Variants in ELMO1 observed in about 807,000 individuals in gnomAD.
The protein encoded by ELMO1 is engulfment and cell motility protein 1.
A neutral mutation model predicts 98.9 loss-of-function variants in ELMO1; 26 were observed. The ratio of observed to expected loss-of-function variants is 0.26; its 90% CI spans 0.19 to 0.36. The LOEUF is 0.36. ELMO1 is among the 10% of genes least tolerant of loss of function. The pLI is 1.00. For synonymous variants in ELMO1, 346 were observed against 346.0 expected, an observed-to-expected ratio of 1.00 and a Z score of 0.00; for missense variants, 627 against 935.2, an observed-to-expected ratio of 0.67 and a Z score of 4.30.
chr7:37,411,391 T>C (rs1033892971), intron 1 of ELMO1, among the ~76,000 whole-genome samples: 13 of 152,208 alleles, frequency 8.5e-5, no homozygotes, highest in Non-Finnish European at 1.5e-4. Context: ...GTACAATAAA[T>C]TGTAGCAGTG....
intron 4 of ELMO1, among the ~76,000 whole-genome samples, chr7:37,304,896 A>G (rs980847430): frequency 1.3e-5 from 2 of 152,146 alleles, no homozygotes; most frequent in African/African-American, 4.8e-5. Context: ...AGTTGCATTC[A>G]GTTGTTCCTC....
chr7:37,129,076 G>A (rs966809470), intron 14 of ELMO1, among the ~76,000 whole-genome samples: 3 of 151,888 alleles, frequency 2.0e-5, no homozygotes, highest in Non-Finnish European at 2.9e-5. Flanking sequence ...AAACAAGAAC[G>A]GGAGCAAAGA....
chr7:37,025,986 G>A (rs1794553978), intron 15 of ELMO1, among the ~76,000 whole-genome samples: 1 of 151,536 alleles, frequency 6.6e-6, no homozygotes, highest in African/African-American at 2.4e-5. Flanking sequence ...CAAGAAGGAG[G>A]AGCAGAAGAT....
chr7:36,879,739 T>A (rs559652297), intron 18 of ELMO1, among the ~76,000 whole-genome samples: 3 of 151,944 alleles, frequency 2.0e-5, no homozygotes, highest in Non-Finnish European at 4.4e-5. Flanking sequence ...GTGGAAAAAA[T>A]TGAGTGGGAA....
At chr7:36,894,203 G>A (rs6955200) in intron 17 of ELMO1, among the ~76,000 whole-genome samples, 5,134 of 152,300 alleles carry the variant, frequency 0.034, 296 homozygotes, top group African/African-American at 0.12. Flanking sequence ...CCTCATGTGT[G>A]AGTTCAGAAC....
chr7:37,369,166 T>C (rs77200985), intron 1 of ELMO1, among the ~76,000 whole-genome samples: 12,249 of 152,230 alleles, frequency 0.08, 609 homozygotes, highest in Middle Eastern at 0.12. Context: ...GGACTTTCAC[T>C]CATATGGAAG....
intron 1 of ELMO1, among the ~76,000 whole-genome samples, chr7:37,437,907 A>G (rs551053418): frequency 0.044 from 2,832 of 64,380 alleles, 1,137 homozygotes; most frequent in African/African-American, 0.14. Context: ...CGGGAAGCGG[A>G]GCTTGCAGTG....
At chr7:36,866,733 G>A (rs1277963938) in intron 20 of ELMO1, among the ~76,000 whole-genome samples, 1 of 152,162 alleles carries the variant, frequency 6.6e-6, no homozygotes, top group Non-Finnish European at 1.5e-5. Context: ...TGGAAAAACT[G>A]TCCAAAGAGC....
intron 16 of ELMO1, among the ~76,000 whole-genome samples, chr7:37,005,107 C>CA (rs35665315): frequency 0.045 from 1,712 of 37,848 alleles, 91 homozygotes; most frequent in African/African-American, 0.062. Context: ...GGCTCTGTCT[C>CA]AAAAAAAAAA....
At chr7:36,858,008 C>T (rs1451032719) in intron 21 of ELMO1, among the ~76,000 whole-genome samples, 3 of 152,178 alleles carry the variant, frequency 2.0e-5, no homozygotes, top group Non-Finnish European at 2.9e-5. Flanking sequence ...AAACTAATAA[C>T]GACAGTAACT....
chr7:37,189,815 T>TA (rs757531621), intron 13 of ELMO1, among the ~76,000 whole-genome samples: 4 of 152,310 alleles, frequency 2.6e-5, no homozygotes, highest in Non-Finnish European at 2.9e-5. Flanking sequence ...TACGATAATT[T>TA]ATAAAGCCTA....
chr7:37,032,726 A>G (rs1354514327), intron 15 of ELMO1, among the ~76,000 whole-genome samples: 1 of 152,214 alleles, frequency 6.6e-6, no homozygotes, highest in African/African-American at 2.4e-5. Flanking sequence ...TCACTGGCAG[A>G]AACTGTTGGG....
intron 1 of ELMO1, among the ~76,000 whole-genome samples, chr7:37,447,194 G>A (rs1410380611): frequency 6.6e-6 from 1 of 152,118 alleles, no homozygotes; most frequent in Non-Finnish European, 1.5e-5. Flanking sequence ...GCAGGGTTTT[G>A]GTGTGTAAAT....
intron 16 of ELMO1, among the ~76,000 whole-genome samples, chr7:36,963,945 T>C (rs1343684555): frequency 6.6e-6 from 1 of 152,194 alleles, no homozygotes; most frequent in Non-Finnish European, 1.5e-5. Context: ...ATATCTGAAA[T>C]TGACAGAAAG....
intron 1 of ELMO1, among the ~76,000 whole-genome samples, chr7:37,386,603 G>A (rs1802813230): frequency 6.7e-6 from 1 of 149,642 alleles, no homozygotes; most frequent in South Asian, 2.2e-4. Context: ...GTCAGGTTTA[G>A]TAGAGATCCA....
rs369385054 is a variant in ELMO1, at chr7:37,102,564, G to A, written c.1192-5837C>T. On this transcript the variant is annotated intron_variant, in intron 14 of 21. Coordinates refer to ENST00000310758, the MANE Select transcript of ELMO1 (RefSeq NM_014800.11). Reference sequence around the variant, plus strand: ...AAAAAAGCTTTAGGGATGCCATCAAGATGGCAGCAAAAGGCAACAAACAGC... The same window carrying A: ...AAAAAAGCTTTAGGGATGCCATCAAAATGGCAGCAAAAGGCAACAAACAGC... Among the ~76,000 whole-genome samples, 75 of 152,340 alleles carry A rather than the reference G, an allele frequency of 4.9e-4. 2 individuals carry two copies. The South Asian group carries it at 0.015, about 31-fold the overall frequency.
At chr7:37,409,132 GAAAA>G (rs34728296) in intron 1 of ELMO1, among the ~76,000 whole-genome samples, 1 of 138,430 alleles carries the variant, frequency 7.2e-6, no homozygotes, top group Non-Finnish European at 1.5e-5. Context: ...TTTTGCAAGT[GAAAA>G]AAAAAAAAAA....
chr7:36,958,321 C>G (rs1204558320), intron 16 of ELMO1, among the ~76,000 whole-genome samples: 1 of 152,198 alleles, frequency 6.6e-6, no homozygotes, highest in South Asian at 2.1e-4. Flanking sequence ...ATGGTGCTGT[C>G]TGGTCTCATT....
intron 6 of ELMO1, among the ~76,000 whole-genome samples, 161 bp downstream of exon 6, chr7:37,259,020 C>A (rs1215067660): frequency 6.6e-6 from 1 of 151,662 alleles, no homozygotes; most frequent in African/African-American, 2.4e-5. Flanking sequence ...CTTGAAATTA[C>A]AAACCCACTG....
Sources: gnomAD v4.1 joint callset for allele counts (sites outside exome capture counted in the v4.1 genomes callset) on GRCh38, gnomAD v4.1.1 for gene constraint, MANE v1.5 for transcripts, NCBI Gene and HGNC (gene_info 2026-07-23, HGNC 2026-07-21) for gene names.